Variants in CNTNAP2 observed in about 807,000 individuals in gnomAD.
The protein encoded by CNTNAP2 is contactin associated protein 2, also known as contactin-associated protein-like 2.
A neutral mutation model predicts 155.2 loss-of-function variants in CNTNAP2; 98 were observed. The observed-to-expected ratio is 0.63, with a 90% CI of 0.54 to 0.75. CNTNAP2 has a LOEUF of 0.75. CNTNAP2 is among the 30% of genes least tolerant of loss of function. The probability of loss-of-function intolerance (pLI) is 0.00; values close to 1 mark genes in which losing one functional copy is unlikely to be tolerated. For synonymous variants in CNTNAP2, 651 were observed against 631.2 expected, an observed-to-expected ratio of 1.03 and a Z score of -0.47; for missense variants, 1,727 against 1,688.1, an observed-to-expected ratio of 1.02 and a Z score of -0.40.
intron 3 of CNTNAP2, among the ~76,000 whole-genome samples, chr7:146,901,025 AAGT>A (rs756989698): frequency 8.4e-5 from 11 of 130,968 alleles, no homozygotes; most frequent in Admixed American, 4.3e-4. Flanking sequence ...ATTCTGATTA[AAGT>A]AGTAATAATA....
At chr7:148,215,645 TA>T (rs1256299288) in intron 18 of CNTNAP2, among the ~76,000 whole-genome samples, 1 of 152,104 alleles carries the variant, frequency 6.6e-6, no homozygotes, top group Non-Finnish European at 1.5e-5. Context: ...TTTGTAATAA[TA>T]GTTCACTAAT....
At chr7:146,607,648 T>G (rs577451366) in intron 1 of CNTNAP2, among the ~76,000 whole-genome samples, 1 of 152,056 alleles carries the variant, frequency 6.6e-6, no homozygotes, top group Non-Finnish European at 1.5e-5. Context: ...GCTAATTTTT[T>G]AAAATTTTTA....
intron 1 of CNTNAP2, among the ~76,000 whole-genome samples, chr7:146,565,121 A>T (rs1168178462): frequency 2.0e-5 from 3 of 151,960 alleles, no homozygotes; most frequent in African/African-American, 7.2e-5. Flanking sequence ...AGAGTTAGAC[A>T]TTTGTAAAGT....
rs79227167 is a variant in CNTNAP2 at position 146,752,061 on chromosome 7, T to C, written c.98-22210T>C. ...TTCTGTTGGTTCCAGGTCTTTGTTATTGTAAATAGTGCTGCAATAAACATA... is the reference window on the plus strand; with the variant it reads ...TTCTGTTGGTTCCAGGTCTTTGTTACTGTAAATAGTGCTGCAATAAACATA... On this transcript the variant is annotated intron_variant, in intron 1 of 23. Coordinates refer to ENST00000361727, the MANE Select transcript of CNTNAP2 (RefSeq NM_014141.6). Among the ~76,000 whole-genome samples the C allele has an allele frequency of 3.6e-3, 541 of 152,282 alleles. 1 individual carries two copies. Among genetic ancestry groups the C allele is most frequent in the African/African-American group, 0.012 (504 of 41,572 alleles).
chr7:147,084,910 CT>C (rs1267693119), intron 4 of CNTNAP2, among the ~76,000 whole-genome samples: 4 of 150,886 alleles, frequency 2.7e-5, no homozygotes, highest in African/African-American at 9.7e-5. Flanking sequence ...GCTAGTCAAA[CT>C]TTAGTCATAT....
intron 13 of CNTNAP2, among the ~76,000 whole-genome samples, chr7:147,766,264 AC>A (rs1403112364): frequency 3.3e-5 from 5 of 152,168 alleles, no homozygotes; most frequent in Non-Finnish European, 5.9e-5. Context: ...TAAAACTAAG[AC>A]AAATTTGGAA....
intron 1 of CNTNAP2, among the ~76,000 whole-genome samples, chr7:146,742,390 A>G (rs1211173713): frequency 6.6e-6 from 1 of 152,196 alleles, no homozygotes; most frequent in African/African-American, 2.4e-5. Context: ...AATAGGCAAG[A>G]TTAATCGGAT....
intron 13 of CNTNAP2, among the ~76,000 whole-genome samples, chr7:147,678,469 T>C (rs561582056): frequency 6.6e-6 from 1 of 152,064 alleles, no homozygotes; most frequent in Admixed American, 6.6e-5. Flanking sequence ...ATATTAATCA[T>C]ATGTCTTTCA....
At chr7:146,937,943 G>A (rs1195369992) in intron 3 of CNTNAP2, among the ~76,000 whole-genome samples, 1 of 152,084 alleles carries the variant, frequency 6.6e-6, no homozygotes, top group African/African-American at 2.4e-5. Flanking sequence ...TACAAGGCTG[G>A]ATGCATATTT....
chr7:146,831,454 G>A (rs983132405), intron 2 of CNTNAP2, among the ~76,000 whole-genome samples: 2 of 151,886 alleles, frequency 1.3e-5, no homozygotes, highest in African/African-American at 4.8e-5. Context: ...GAGGTGGGCG[G>A]ATCATGAGGT....
At chr7:147,028,960 T>C (rs1267757991) in intron 3 of CNTNAP2, among the ~76,000 whole-genome samples, 1 of 76,142 alleles carries the variant, frequency 1.3e-5, no homozygotes. Flanking sequence ...AGATATGTTC[T>C]TTTTTTTTTT....
In CNTNAP2 at chr7:146,530,676, C is replaced by A. The variant is rs1584966269; in HGVS notation, c.98-243595C>A. On this transcript the variant is annotated intron_variant, in intron 1 of 23. Coordinates refer to ENST00000361727, the MANE Select transcript of CNTNAP2 (RefSeq NM_014141.6). ...TGCAAATCAAAACTACAATGAGATA[C>A]CATCTCACATCAGTCAGAATGGCTA... is the stretch of plus-strand genomic sequence containing the variant. Among the ~76,000 whole-genome samples the A allele has an allele frequency of 3.3e-5, 5 of 152,230 alleles. No homozygotes were observed. The South Asian group carries it at 1.0e-3, about 32-fold the overall frequency.
chr7:146,302,313 T>C (rs1800625797), intron 1 of CNTNAP2, among the ~76,000 whole-genome samples: 1 of 152,152 alleles, frequency 6.6e-6, no homozygotes, highest in Non-Finnish European at 1.5e-5. Flanking sequence ...TCTGTATCCA[T>C]CAATTTGGTA....
At chr7:146,426,385 G>GTA (rs71794213) in intron 1 of CNTNAP2, among the ~76,000 whole-genome samples, 4,119 of 134,992 alleles carry the variant, frequency 0.031, 104 homozygotes, top group East Asian at 0.077. Context: ...AAAACAAAAT[G>GTA]TATATATATA....
At chr7:148,206,768 G>C (rs890736863) in intron 18 of CNTNAP2, among the ~76,000 whole-genome samples, 4 of 152,218 alleles carry the variant, frequency 2.6e-5, no homozygotes, top group African/African-American at 9.7e-5. Context: ...CTGGAGGCCT[G>C]TTTCCCAAAC....
At chr7:147,863,290 T>A (rs995667895) in intron 13 of CNTNAP2, among the ~76,000 whole-genome samples, 3 of 152,206 alleles carry the variant, frequency 2.0e-5, no homozygotes, top group Non-Finnish European at 4.4e-5. Context: ...TAGTATTCCA[T>A]GGGGTATATA....
chr7:147,928,456 AC>A, intron 14 of CNTNAP2, among the ~76,000 whole-genome samples: 1 of 152,230 alleles, frequency 6.6e-6, no homozygotes, highest in Middle Eastern at 3.2e-3. Context: ...GTTAGGTTTT[AC>A]TGCTACTCAT....
chr7:147,091,484 G>T (rs184118358), intron 4 of CNTNAP2, among the ~76,000 whole-genome samples: 1 of 152,092 alleles, frequency 6.6e-6, no homozygotes, highest in South Asian at 2.1e-4. Flanking sequence ...CAAGAGTCTC[G>T]CTCTATCACC....
chr7:147,245,366 G>T (rs1030385488), intron 8 of CNTNAP2, among the ~76,000 whole-genome samples: 1 of 152,026 alleles, frequency 6.6e-6, no homozygotes, highest in Admixed American at 6.6e-5. Context: ...GGAGGGAGTC[G>T]TCTCTCTGTG....
Sources: gnomAD v4.1 joint callset for allele counts (sites outside exome capture counted in the v4.1 genomes callset) on GRCh38, gnomAD v4.1.1 for gene constraint, MANE v1.5 for transcripts, NCBI Gene and HGNC (gene_info 2026-07-23, HGNC 2026-07-21) for gene names.